Variants in LARGE1 observed in about 807,000 individuals in gnomAD.
LARGE1 encodes the protein LARGE xylosyl- and glucuronyltransferase 1.
Under a neutral mutation model 87.6 loss-of-function variants are expected in LARGE1, and 43 were observed. The ratio of observed to expected loss-of-function variants is 0.49; its 90% CI spans 0.38 to 0.63. The LOEUF (loss-of-function observed/expected upper bound fraction) is 0.63, where lower values mean the gene tolerates loss of function less well. Among genes scored for constraint, LARGE1 ranks in the 30% least tolerant of loss-of-function variants. The pLI, the probability that LARGE1 is intolerant of heterozygous loss-of-function variation, is 0.00. For synonymous variants in LARGE1, 434 were observed against 394.6 expected, an observed-to-expected ratio of 1.10 and a Z score of -1.18; for missense variants, 802 against 1,000.2, an observed-to-expected ratio of 0.80 and a Z score of 2.67.
the LARGE1 span, among the ~76,000 whole-genome samples, chr22:33,074,672 C>T: frequency 6.6e-6 from 1 of 152,086 alleles, no homozygotes; most frequent in Admixed American, 6.5e-5. Flanking sequence ...GAGACTCCAT[C>T]TTAGAAACAA....
chr22:33,274,355 A>G lies in LARGE1; in HGVS notation c.*72T>C. On this transcript the variant is annotated 3_prime_UTR_variant, in exon 15 of 15. Transcript: ENST00000397394. ...AAAGCATGGCTCAATTTTGAATTTG[A>G]AGGCCGGGCCCCAAACAGCGAGTGG... 6.7e-7 allele frequency: 1 copy of G among 1,490,358 alleles called. No individual in the cohort carries two copies. Among genetic ancestry groups the G allele is most frequent in the Non-Finnish European group, 9.4e-7 (1 of 1,067,796 alleles). 92.3% of individuals were successfully genotyped at this position (1,490,358 alleles called of 1,614,324 possible).
chr22:33,200,191 G>T (rs1373137433), intron 11 of LARGE1, among the ~76,000 whole-genome samples: 1 of 152,118 alleles, frequency 6.6e-6, no homozygotes, highest in South Asian at 2.1e-4. Flanking sequence ...CAAAAGTGAC[G>T]AAGATTCTTC....
intron 6 of LARGE1, among the ~76,000 whole-genome samples, chr22:33,472,049 CA>C (rs555675340): frequency 1.8e-3 from 265 of 149,976 alleles, no homozygotes; most frequent in Non-Finnish European, 2.6e-3. Context: ...GACTCTGACT[CA>C]AAAAAAAAGA....
At chr22:33,320,274 T>C (rs1244747391) in intron 10 of LARGE1, among the ~76,000 whole-genome samples, 2 of 152,106 alleles carry the variant, frequency 1.3e-5, no homozygotes, top group Non-Finnish European at 2.9e-5. Context: ...TCCGTGACTT[T>C]GTTCCGTGCC....
intron 11 of LARGE1, chr22:33,305,587 A>T (rs1934768439): frequency 3.0e-6 from 3 of 985,352 alleles, no homozygotes; most frequent in Non-Finnish European, 2.4e-6. Context: ...CTTTATTCGG[A>T]CGATTACCAG....
chr22:33,112,147 G>A, the LARGE1 span, among the ~76,000 whole-genome samples: 14 of 152,324 alleles, frequency 9.2e-5, no homozygotes, highest in East Asian at 1.9e-4. Context: ...TTTGCAGGGG[G>A]TCAAGGCTGG....
intron 6 of LARGE1, among the ~76,000 whole-genome samples, chr22:33,471,689 A>G (rs1426664439): frequency 1.3e-5 from 2 of 152,152 alleles, no homozygotes; most frequent in Non-Finnish European, 2.9e-5. Flanking sequence ...CCCAGGTGCC[A>G]AAGTACAAAA....
intron 1 of LARGE1, among the ~76,000 whole-genome samples, chr22:33,789,873 G>A (rs1650613110): frequency 6.6e-6 from 1 of 152,184 alleles, no homozygotes; most frequent in South Asian, 2.1e-4. Context: ...GCTTATAGGT[G>A]GAAGAGACTA....
At chr22:33,388,732 A>G (rs939221359) in intron 7 of LARGE1, among the ~76,000 whole-genome samples, 1 of 151,982 alleles carries the variant, frequency 6.6e-6, no homozygotes, top group Non-Finnish European at 1.5e-5. Context: ...CGCCTGGCTG[A>G]TTTTTTGTAT....
the LARGE1 span, among the ~76,000 whole-genome samples, chr22:33,113,945 A>G: frequency 4.0e-5 from 6 of 148,730 alleles, no homozygotes; most frequent in East Asian, 1.2e-3. Context: ...ATCTTGGCTC[A>G]CTGCAAGCTC....
chr22:33,666,689 G>A (rs963769922), intron 2 of LARGE1, among the ~76,000 whole-genome samples: 6 of 152,174 alleles, frequency 3.9e-5, no homozygotes, highest in African/African-American at 1.4e-4. Context: ...ACCGCCAGTG[G>A]ATTCAGAGGC....
At chr22:33,461,081 A>G (rs1014652237) in intron 6 of LARGE1, among the ~76,000 whole-genome samples, 2 of 152,232 alleles carry the variant, frequency 1.3e-5, no homozygotes, top group Non-Finnish European at 2.9e-5. Flanking sequence ...AGAAGTAACA[A>G]TGAATTCAAC....
intron 1 of LARGE1, among the ~76,000 whole-genome samples, chr22:33,797,501 G>C (rs182991237): frequency 3.4e-3 from 518 of 152,298 alleles, no homozygotes; most frequent in Non-Finnish European, 6.1e-3. Context: ...TGATTCCAAT[G>C]GGCATGAGCC....
intron 6 of LARGE1, among the ~76,000 whole-genome samples, chr22:33,510,168 T>C (rs943443200): frequency 2.0e-5 from 3 of 152,184 alleles, no homozygotes; most frequent in Non-Finnish European, 4.4e-5. Context: ...AGTAACTACA[T>C]TTATTAGGCA....
intron 1 of LARGE1, among the ~76,000 whole-genome samples, chr22:33,915,208 G>C (rs2065752370): frequency 6.6e-6 from 1 of 152,064 alleles, no homozygotes; most frequent in Non-Finnish European, 1.5e-5. Context: ...ACTGTTGCTT[G>C]CTCTTCCTCA....
chr22:33,430,384 G>T (rs1569156803), intron 7 of LARGE1, among the ~76,000 whole-genome samples: 1 of 152,134 alleles, frequency 6.6e-6, no homozygotes, highest in Non-Finnish European at 1.5e-5. Flanking sequence ...CCTGCTAAGA[G>T]AACCACTGCT....
At chr22:33,109,510 T>C in the LARGE1 span, among the ~76,000 whole-genome samples, 2 of 152,138 alleles carry the variant, frequency 1.3e-5, no homozygotes, top group African/African-American at 4.8e-5. Flanking sequence ...TCTTAAGTCA[T>C]CGCCTGCCAA....
chr22:33,297,851 G>C (rs1440094963), intron 12 of LARGE1, among the ~76,000 whole-genome samples: 1 of 151,500 alleles, frequency 6.6e-6, no homozygotes, highest in African/African-American at 2.4e-5. Context: ...GTGGTGGCAG[G>C]CGCCTGTAAT....
the LARGE1 span, among the ~76,000 whole-genome samples, chr22:33,135,394 A>G: frequency 6.6e-6 from 1 of 152,248 alleles, no homozygotes; most frequent in African/African-American, 2.4e-5. Context: ...CAAAGATAAA[A>G]GACCGAGATC....
Sources: allele counts gnomAD v4.1 joint callset (sites outside exome capture counted in the v4.1 genomes callset), GRCh38; gene constraint gnomAD v4.1.1; transcripts MANE v1.5; gene names NCBI Gene and HGNC (gene_info 2026-07-23, HGNC 2026-07-21).